The following ARHGAP42 variants were observed in gnomAD, a reference collection of about 807,000 sequenced individuals.
The protein encoded by ARHGAP42 is Rho GTPase activating protein 42.
Under a neutral mutation model 125.0 loss-of-function variants are expected in ARHGAP42, and 63 were observed. That is an observed-to-expected ratio of 0.50 (90% CI 0.41 to 0.62). ARHGAP42 has a LOEUF of 0.62. ARHGAP42 is among the 20% of genes least tolerant of loss of function. The pLI, the probability that ARHGAP42 is intolerant of heterozygous loss-of-function variation, is 0.00. For synonymous variants in ARHGAP42, 339 were observed against 351.0 expected (o/e 0.97, Z 0.38); for missense variants, 766 against 1,024.2 (o/e 0.75, Z 3.44).
At chr11:100,985,683 G>C (rs1258593145) in intron 22 of ARHGAP42, among the ~76,000 whole-genome samples, 1 of 152,186 alleles carries the variant, frequency 6.6e-6, no homozygotes, top group Non-Finnish European at 1.5e-5. Flanking sequence ...TGTGGGCTGA[G>C]GGTCATTCCC....
At chr11:100,809,666 A>T (rs1362030521) in intron 3 of ARHGAP42, among the ~76,000 whole-genome samples, 3 of 152,224 alleles carry the variant, frequency 2.0e-5, no homozygotes, top group Non-Finnish European at 4.4e-5. Context: ...ATATGAAACC[A>T]GAGGCAGGCT....
At chr11:100,911,773 ATGTTTTGTAATGTG>A (rs1426828787) in intron 4 of ARHGAP42, among the ~76,000 whole-genome samples, 1 of 152,080 alleles carries the variant, frequency 6.6e-6, no homozygotes, top group Admixed American at 6.5e-5. Flanking sequence ...CAGCTATTTC[ATGTTTTGTAATGTG>A]AGTTTCTTAA....
At chr11:100,702,815 G>T (rs1565534281) in intron 1 of ARHGAP42, among the ~76,000 whole-genome samples, 1 of 152,040 alleles carries the variant, frequency 6.6e-6, no homozygotes, top group Non-Finnish European at 1.5e-5. Context: ...GGGATTACAG[G>T]CACGTGTCAC....
intron 6 of ARHGAP42, among the ~76,000 whole-genome samples, chr11:100,931,365 T>C (rs908116053): frequency 6.6e-6 from 1 of 152,220 alleles, no homozygotes; most frequent in Non-Finnish European, 1.5e-5. Context: ...GTTTTAGCAA[T>C]GTTCTAGGTG....
intron 1 of ARHGAP42, among the ~76,000 whole-genome samples, chr11:100,754,646 T>C (rs1189129986): frequency 3.3e-5 from 5 of 152,246 alleles, no homozygotes. Flanking sequence ...AATGCTGTTT[T>C]TGTTTGTGAT....
intron 1 of ARHGAP42, among the ~76,000 whole-genome samples, chr11:100,763,169 T>A (rs1862750254): frequency 6.6e-6 from 1 of 151,662 alleles, no homozygotes; most frequent in South Asian, 2.1e-4. Flanking sequence ...TTAGTAGAGA[T>A]GAGGTTTCAC....
chr11:100,816,747 C>G (rs932761298), intron 3 of ARHGAP42: 1 of 152,016 alleles, frequency 6.6e-6, no homozygotes, highest in Non-Finnish European at 1.5e-5. Context: ...TGCCAGCCCC[C>G]AAAAAGCAGG....
intron 11 of ARHGAP42, among the ~76,000 whole-genome samples, chr11:100,949,571 G>A (rs1199111045): frequency 1.3e-5 from 2 of 152,122 alleles, no homozygotes; most frequent in Non-Finnish European, 2.9e-5. Context: ...GGCTAAGCAG[G>A]AAATTGGAAG....
intron 1 of ARHGAP42, among the ~76,000 whole-genome samples, chr11:100,757,733 A>G (rs1360105216): frequency 6.6e-6 from 1 of 152,160 alleles, no homozygotes; most frequent in Non-Finnish European, 1.5e-5. Context: ...AACATGTAGG[A>G]TAATGAGTTT....
chr11:100,863,685 G>T (rs777254938), intron 4 of ARHGAP42, among the ~76,000 whole-genome samples: 1 of 152,142 alleles, frequency 6.6e-6, no homozygotes, highest in African/African-American at 2.4e-5. Context: ...GAGATTAGAA[G>T]AATTATCTAT....
intron 3 of ARHGAP42, among the ~76,000 whole-genome samples, chr11:100,807,306 C>T (rs1864020650): frequency 1.3e-5 from 2 of 152,004 alleles, no homozygotes; most frequent in South Asian, 4.2e-4. Flanking sequence ...AGAGATTCTC[C>T]TGCCTCAGCC....
At chr11:100,721,752 G>T (rs1266846648) in intron 1 of ARHGAP42, among the ~76,000 whole-genome samples, 1 of 152,120 alleles carries the variant, frequency 6.6e-6, no homozygotes, top group Non-Finnish European at 1.5e-5. Context: ...GGAATTACAG[G>T]CATGAGCCAC....
chr11:100,736,713 G>GGATCTTGACGT (rs1862075677), intron 1 of ARHGAP42, among the ~76,000 whole-genome samples: 1 of 152,172 alleles, frequency 6.6e-6, no homozygotes, highest in Admixed American at 6.5e-5. Context: ...TTCTCCGAAA[G>GGATCTTGACGT]GATCTTGACG....
At chr11:100,929,827 T>C (rs949115434) in intron 6 of ARHGAP42, among the ~76,000 whole-genome samples, 11 of 152,246 alleles carry the variant, frequency 7.2e-5, no homozygotes. Flanking sequence ...AAATGATTTT[T>C]GTAAATATAT....
At chr11:100,846,071 T>C (rs1235282077) in intron 3 of ARHGAP42, among the ~76,000 whole-genome samples, 1 of 152,210 alleles carries the variant, frequency 6.6e-6, no homozygotes, top group African/African-American at 2.4e-5. Context: ...AACTAGAGTT[T>C]ACAAAGAAAC....
intron 2 of ARHGAP42, among the ~76,000 whole-genome samples, chr11:100,793,008 C>T (rs184004120): frequency 6.6e-6 from 1 of 152,246 alleles, no homozygotes; most frequent in East Asian, 1.9e-4. Flanking sequence ...CACTCCTCAG[C>T]CTCCCAAAGT....
intron 2 of ARHGAP42, among the ~76,000 whole-genome samples, chr11:100,776,731 C>T (rs917446981): frequency 1.3e-5 from 2 of 152,102 alleles, no homozygotes; most frequent in African/African-American, 4.8e-5. Flanking sequence ...AATCCCAGCA[C>T]TAGCACTTTA....
At chr11:100,950,031 G>A (rs1014142956) in intron 12 of ARHGAP42, 75 bp downstream of exon 12, 13 of 887,064 alleles carry the variant, frequency 1.5e-5, no homozygotes, top group Non-Finnish European at 5.0e-6. Flanking sequence ...GTGATTGTAA[G>A]TATTCTGGGG....
chr11:100,897,366 A>G (rs951997538), intron 4 of ARHGAP42, among the ~76,000 whole-genome samples: 4 of 152,110 alleles, frequency 2.6e-5, no homozygotes, highest in Admixed American at 1.3e-4. Context: ...GTTTTTTCCA[A>G]TTCTGTGAAG....
Sources: allele counts gnomAD v4.1 joint callset (sites outside exome capture counted in the v4.1 genomes callset), GRCh38; gene constraint gnomAD v4.1.1; transcripts MANE v1.5; gene names NCBI Gene and HGNC (gene_info 2026-07-23, HGNC 2026-07-21).